Variants in TMEM35A observed in about 807,000 individuals in gnomAD.
TMEM35A encodes the protein transmembrane protein 35A.
For missense variants in TMEM35A, 83 were observed against 132.7 expected (o/e 0.63, Z 1.84); for synonymous variants, 50 against 54.7 (o/e 0.91, Z 0.38).
chrX:101,095,029 T>G lies in TMEM35A; in HGVS notation c.*73T>G. 1 of 1,046,209 alleles carries G rather than the reference T, an allele frequency of 9.6e-7. No homozygotes were observed. Among genetic ancestry groups the G allele is most frequent in the Non-Finnish European group, 1.3e-6 (1 of 790,810 alleles). The allele number at this position is 1,046,209 out of a possible 1,213,427, so 86.2% of individuals were successfully genotyped here. A position where few individuals can be genotyped will look rare whatever the true frequency, so the allele number is the denominator to read the frequency against. The stretch of plus-strand genomic sequence containing the variant: ...ACACCAGGAAGATGTCAGTGTGTGT[T>G]TTTCATTTGATTTATTTATCTTGGG... On this transcript the variant is annotated 3_prime_UTR_variant, in exon 2 of 2. Transcript: ENST00000372930.
intron 1 of TMEM35A, among the ~76,000 whole-genome samples, chrX:101,086,837 C>A: frequency 9.0e-6 from 1 of 110,697 alleles, no homozygotes; most frequent in Non-Finnish European, 1.9e-5. Context: ...ACTATCCATA[C>A]AATTAAAGTC....
intron 1 of TMEM35A, among the ~76,000 whole-genome samples, chrX:101,088,615 G>A (rs1039365640): frequency 9.0e-6 from 1 of 111,159 alleles, no homozygotes; most frequent in Admixed American, 9.6e-5. Flanking sequence ...ACCCTCAGAA[G>A]TGTTAAGAGG....
chrX:101,094,555 A>C lies in TMEM35A; in HGVS notation c.121-18A>C. 8.5e-7 allele frequency: 1 copy of C among 1,172,144 alleles called. No homozygotes were observed. Among genetic ancestry groups the C allele is most frequent in the Non-Finnish European group, 1.1e-6 (1 of 875,530 alleles). The stretch of plus-strand genomic sequence containing the variant: ...TCATGGTTAATGCAGTAATTTCCTT[A>C]CAATATTCTCACTCTAGAAACGTGC... On this transcript the variant is annotated intron_variant, in intron 1 of 1. Transcript: ENST00000372930.
chrX:101,090,169 C>CTTTTTT (rs771239790), intron 1 of TMEM35A, among the ~76,000 whole-genome samples: 9 of 97,527 alleles, frequency 9.2e-5, no homozygotes, highest in African/African-American at 4.0e-4. Flanking sequence ...TTCTTTCTTT[C>CTTTTTT]TTTTTTTTTT....
chrX:101,086,641 A>G (rs899962117), intron 1 of TMEM35A, among the ~76,000 whole-genome samples: 5 of 112,284 alleles, frequency 4.5e-5, no homozygotes, highest in Non-Finnish European at 9.4e-5. Context: ...ATATTGCTAG[A>G]TGATTGCCTT....
chrX:101,079,277 C>G (rs936649933), intron 1 of TMEM35A, among the ~76,000 whole-genome samples, 155 bp downstream of exon 1: 1 of 111,097 alleles, frequency 9.0e-6, no homozygotes, highest in Admixed American at 9.7e-5. Flanking sequence ...GAAGGAGCAG[C>G]TGGGCAAGAG....
At chrX:101,079,252 C>G in intron 1 of TMEM35A, 130 bp downstream of exon 1, 1 of 824,883 alleles carries the variant, frequency 1.2e-6, no homozygotes, top group South Asian at 2.7e-5. Context: ...CCGTTCTCAA[C>G]AACTTTGCAG....
At chrX:101,086,929 AG>A (rs1327332569) in intron 1 of TMEM35A, among the ~76,000 whole-genome samples, 1 of 99,305 alleles carries the variant, frequency 1.0e-5, no homozygotes, top group Admixed American at 1.1e-4. Flanking sequence ...AAGCATAATG[AG>A]GGGGTTAGCA....
intron 1 of TMEM35A, among the ~76,000 whole-genome samples, chrX:101,090,269 C>T (rs1410112583): frequency 9.3e-6 from 1 of 107,463 alleles, no homozygotes; most frequent in Non-Finnish European, 1.9e-5. Flanking sequence ...TCTCGTGCCT[C>T]AGCCTCCCGG....
chrX:101,087,645 G>A (rs1404295030), intron 1 of TMEM35A, among the ~76,000 whole-genome samples: 1 of 111,655 alleles, frequency 9.0e-6, no homozygotes, highest in Non-Finnish European at 1.9e-5. Context: ...TTGCACTATA[G>A]TATAGATAAG....
chrX:101,079,354 C>G (rs963256074), intron 1 of TMEM35A, among the ~76,000 whole-genome samples: 1 of 110,585 alleles, frequency 9.0e-6, no homozygotes, highest in African/African-American at 3.3e-5. Context: ...GGTTGCGCAG[C>G]GAATACCCCC....
At chrX:101,091,302 CTTTTTTT>C (rs111453010) in intron 1 of TMEM35A, among the ~76,000 whole-genome samples, 1 of 90,127 alleles carries the variant, frequency 1.1e-5, no homozygotes, top group Non-Finnish European at 2.2e-5. Flanking sequence ...CTCTCTCTCT[CTTTTTTT>C]TTTTTTTTTT....
Position 101,095,105 on chromosome X carries a change from A to C in TMEM35A, c.*149A>C. 1 of 635,489 alleles carries C rather than the reference A, an allele frequency of 1.6e-6. No individual in the cohort carries two copies. Among genetic ancestry groups the C allele is most frequent in the Non-Finnish European group, 2.3e-6 (1 of 439,361 alleles). The allele number at this position is 635,489 out of a possible 1,213,427, so 52.4% of individuals were successfully genotyped here. ...TTAATGACCCTATTGGCTTGTGTAC[A>C]TCTATATGCTAAAATGACTTCCCCA... is the stretch of plus-strand genomic sequence containing the variant. On this transcript the variant is annotated 3_prime_UTR_variant, in exon 2 of 2. Coordinates refer to ENST00000372930, the MANE Select transcript of TMEM35A (RefSeq NM_021637.3).
intron 1 of TMEM35A, among the ~76,000 whole-genome samples, chrX:101,085,958 A>AT (rs1158310598): frequency 9.0e-6 from 1 of 111,535 alleles, no homozygotes; most frequent in Non-Finnish European, 1.9e-5. Context: ...AAAAATAAAT[A>AT]AAATTTAAAA....
intron 1 of TMEM35A, among the ~76,000 whole-genome samples, chrX:101,087,036 G>A (rs751203803): frequency 9.6e-6 from 1 of 103,809 alleles, no homozygotes; most frequent in Non-Finnish European, 2.0e-5. Flanking sequence ...GGCTCACTGC[G>A]GCCTCTGCCT....
Position 101,095,088 on chromosome X carries a change from C to A in TMEM35A, c.*132C>A. 1 of 758,403 alleles carries A rather than the reference C, an allele frequency of 1.3e-6. No homozygotes were observed. The highest frequency in any genetic ancestry group is 1.8e-6 in the Non-Finnish European group (1 of 544,641). 62.5% of individuals were successfully genotyped at this position (758,403 alleles called of 1,213,427 possible). A position where few individuals can be genotyped will look rare whatever the true frequency, so the allele number is the denominator to read the frequency against. On this transcript the variant is annotated 3_prime_UTR_variant, in exon 2 of 2. Coordinates refer to ENST00000372930, the MANE Select transcript of TMEM35A (RefSeq NM_021637.3). ...AAAATGTAATCTGCAAGTTAATGACCCTATTGGCTTGTGTACATCTATATG... is the reference window on the plus strand; with the variant it reads ...AAAATGTAATCTGCAAGTTAATGACACTATTGGCTTGTGTACATCTATATG...
chrX:101,092,729 G>T (rs1330880894), intron 1 of TMEM35A, among the ~76,000 whole-genome samples: 1 of 109,700 alleles, frequency 9.1e-6, no homozygotes, highest in Non-Finnish European at 1.9e-5. Flanking sequence ...AATCAGCCAG[G>T]TGTGGTAGTG....
intron 1 of TMEM35A, among the ~76,000 whole-genome samples, chrX:101,090,169 C>CTTTTTTTTTTTTTTTTTT (rs771239790): frequency 4.9e-4 from 48 of 97,487 alleles, no homozygotes; most frequent in African/African-American, 2.0e-3. Context: ...TTCTTTCTTT[C>CTTTTTTTTTTTTTTTTTT]TTTTTTTTTT....
chrX:101,080,595 G>T (rs1292897950), intron 1 of TMEM35A, among the ~76,000 whole-genome samples: 2 of 109,945 alleles, frequency 1.8e-5, no homozygotes, highest in African/African-American at 6.6e-5. Flanking sequence ...ACTGGGAGAA[G>T]AGGGACAGGG....
Sources: gnomAD v4.1 joint callset for allele counts (sites outside exome capture counted in the v4.1 genomes callset) on GRCh38, gnomAD v4.1.1 for gene constraint, MANE v1.5 for transcripts, NCBI Gene and HGNC (gene_info 2026-07-23, HGNC 2026-07-21) for gene names.